EIF3E: variants seen among roughly 807,000 people sequenced by gnomAD.
The protein encoded by EIF3E is eIF-3 p48.
EIF3E carries 25 observed loss-of-function variants against 59.3 expected under a neutral mutation model. The observed-to-expected ratio is 0.42, with a 90% CI of 0.31 to 0.59. The LOEUF is 0.59. Among genes scored for constraint, EIF3E ranks in the 20% least tolerant of loss-of-function variants. The probability of loss-of-function intolerance (pLI) is 0.15; values close to 1 mark genes in which losing one functional copy is unlikely to be tolerated. For missense variants in EIF3E, 317 were observed against 534.3 expected, an observed-to-expected ratio of 0.59 and a Z score of 4.01; for synonymous variants, 176 against 170.2, an observed-to-expected ratio of 1.03 and a Z score of -0.26.
chr8:108,228,510 G>A (rs2129895702), intron 6 of EIF3E, 119 bp from the exon 7 acceptor site: 1 of 754,352 alleles, frequency 1.3e-6, no homozygotes. Flanking sequence ...GGCATGCACG[G>A]AGGTCATTAT....
intron 5 of EIF3E, among the ~76,000 whole-genome samples, chr8:108,230,485 T>A (rs1050201222): frequency 4.6e-5 from 7 of 152,116 alleles, no homozygotes; most frequent in Non-Finnish European, 4.4e-5. Context: ...AAATTTATAT[T>A]TATCTATATG....
chr8:108,202,487 C>T (rs1304754266), intron 12 of EIF3E, among the ~76,000 whole-genome samples: 1 of 152,026 alleles, frequency 6.6e-6, no homozygotes, highest in Non-Finnish European at 1.5e-5. Context: ...CAATCTCTAA[C>T]ATGCAGGATC....
rs771715727 is a variant in EIF3E at position 108,235,067 on chromosome 8, A to T, written c.402T>A (p.Tyr134Ter). ...RQEYLDTLYRYAKFQYECGNY... is the reference protein window; with the variant it reads ...RQEYLDTLYR Reference sequence around the variant, plus strand: ...TCCCACATTCGTACTGGAATTTTGCATATCTGTAGAGTGTATCTAAATATT... The same window carrying T: ...TCCCACATTCGTACTGGAATTTTGCTTATCTGTAGAGTGTATCTAAATATT... Residue 134 changes from tyrosine to a stop codon, truncating the protein, a stop_gained, in exon 5 of 13, where the codon TAT becomes TAA. Coordinates refer to ENST00000220849, the MANE Select transcript of EIF3E (RefSeq NM_001568.3). LOFTEE classifies it high-confidence loss of function. The T allele has an allele frequency of 6.3e-7, 1 of 1,595,428 alleles. No individual in the cohort carries two copies. The highest frequency in any genetic ancestry group is 2.3e-5 in the East Asian group (1 of 44,442).
At position 108,238,156 on chromosome 8, in the gene EIF3E, A is replaced by C. The variant is rs186547330; in HGVS notation, c.323+1802T>G. On this transcript the variant is annotated intron_variant, in intron 3 of 12. Transcript: ENST00000220849. ...TGGATTATTTCCGCTGTCCCTTTGTAATCACCTACATGTGACCTGAAGATC... is the reference window on the plus strand; with the variant it reads ...TGGATTATTTCCGCTGTCCCTTTGTCATCACCTACATGTGACCTGAAGATC... Among the ~76,000 whole-genome samples the C allele has an allele frequency of 7.1e-4, 108 of 152,332 alleles. 1 individual carries two copies. Among genetic ancestry groups the C allele is most frequent in the Middle Eastern group, 3.4e-3 (1 of 294 alleles).
At chr8:108,240,352 G>A (rs1223137012) in intron 2 of EIF3E, among the ~76,000 whole-genome samples, 3 of 151,550 alleles carry the variant, frequency 2.0e-5, no homozygotes, top group Admixed American at 1.3e-4. Context: ...AGAGGGATGT[G>A]AAAGAAAAAA....
At chr8:108,221,084 A>G (rs1377796934) in intron 7 of EIF3E, among the ~76,000 whole-genome samples, 2 of 152,318 alleles carry the variant, frequency 1.3e-5, no homozygotes, top group Admixed American at 6.5e-5. Flanking sequence ...AAAGAAAAAG[A>G]ACTGGGAATG....
intron 8 of EIF3E, 22 bp downstream of exon 8, chr8:108,217,312 T>C: frequency 6.8e-7 from 1 of 1,479,738 alleles, no homozygotes; most frequent in Non-Finnish European, 9.0e-7. Flanking sequence ...AAAAAAAAAA[T>C]CAATATATAT....
intron 1 of EIF3E, among the ~76,000 whole-genome samples, chr8:108,244,966 C>A (rs190941712): frequency 6.6e-6 from 1 of 151,864 alleles, no homozygotes; most frequent in South Asian, 2.1e-4. Context: ...AGCCTTCTAC[C>A]GCTCCTCGCC....
chr8:108,210,974 A>G (rs1443576582), intron 10 of EIF3E, among the ~76,000 whole-genome samples: 16 of 152,080 alleles, frequency 1.1e-4, no homozygotes, highest in Admixed American at 1.0e-3. Flanking sequence ...TATGTGTCAC[A>G]TTTTCTTAAT....
At chr8:108,226,141 G>GTATACACCA (rs1815512609) in intron 7 of EIF3E, 1 of 150,868 alleles carries the variant, frequency 6.6e-6, no homozygotes, top group East Asian at 1.9e-4. Context: ...AGGACTTACT[G>GTATACACCA]TATACACCAA....
chr8:108,232,161 T>C (rs1039554950), intron 5 of EIF3E, among the ~76,000 whole-genome samples: 2 of 152,176 alleles, frequency 1.3e-5, no homozygotes. Context: ...TACACAGATC[T>C]TGTGGTAGTG....
At chr8:108,248,528 G>A (rs939104155) in intron 1 of EIF3E, 85 bp downstream of exon 1, 4 of 1,372,568 alleles carry the variant, frequency 2.9e-6, no homozygotes, top group Non-Finnish European at 4.1e-6. Context: ...CACGTGTCAG[G>A]CCTAGGACTA....
In EIF3E at chr8:108,208,865, T is replaced by C. The variant is rs368726651; in HGVS notation, c.1062-5362A>G. 2.4e-4 allele frequency among the ~76,000 whole-genome samples: 37 copies of C among 152,238 alleles called. No homozygotes were observed. The East Asian group carries it at 6.6e-3, about 27-fold the overall frequency. On this transcript the variant is annotated intron_variant, in intron 10 of 12. Coordinates refer to ENST00000220849, the MANE Select transcript of EIF3E (RefSeq NM_001568.3). ...GCTTTTAAATTTCAGACACATACCA[T>C]AGCTGATAAAATGATTCAGCTATAC...
At chr8:108,240,400 T>G (rs1472725907) in intron 2 of EIF3E, among the ~76,000 whole-genome samples, 1 of 152,220 alleles carries the variant, frequency 6.6e-6, no homozygotes, top group East Asian at 1.9e-4. Flanking sequence ...AATTCTCCAT[T>G]GCAGAAACTT....
In EIF3E at chr8:108,216,364, C is replaced by T. The variant is rs1815305884; in HGVS notation, c.951+48G>A. ...ACTGCAAGATTAACGTTACAATATC[C>T]AAAAATTTAAGAATAGTATTAGTTT... On this transcript the variant is annotated intron_variant, in intron 9 of 12. Coordinates refer to ENST00000220849, the MANE Select transcript of EIF3E (RefSeq NM_001568.3). 2.8e-6 allele frequency: 4 copies of T among 1,417,844 alleles called. No individual in the cohort carries two copies. In the African/African-American group the frequency reaches 5.9e-5, roughly 21 times the overall value. The allele number at this position is 1,417,844 out of a possible 1,614,324, so 87.8% of individuals were successfully genotyped here. A position where few individuals can be genotyped will look rare whatever the true frequency, so the allele number is the denominator to read the frequency against.
chr8:108,224,341 T>A (rs1448872099), intron 7 of EIF3E, among the ~76,000 whole-genome samples: 1 of 151,602 alleles, frequency 6.6e-6, no homozygotes, highest in East Asian at 1.9e-4. Context: ...AACTACTTTT[T>A]TCATAAATCT....
chr8:108,234,960 CAAA>C (rs3075616), intron 5 of EIF3E, 35 bp downstream of exon 5: 243,834 of 860,908 alleles, frequency 0.28, 7,190 homozygotes, highest in Non-Finnish European at 0.29. Context: ...CTACAAAAGA[CAAA>C]AAAAAAAAAA....
At chr8:108,228,008 G>C (rs1815551070) in intron 7 of EIF3E, 2 of 289,108 alleles carry the variant, frequency 6.9e-6, no homozygotes, top group African/African-American at 4.4e-5. Context: ...TGAGTCCTGA[G>C]ATTCTATATG....
At chr8:108,239,467 G>A (rs1311476738) in intron 3 of EIF3E, among the ~76,000 whole-genome samples, 1 of 152,182 alleles carries the variant, frequency 6.6e-6, no homozygotes, top group Non-Finnish European at 1.5e-5. Context: ...CTCCCCAAGT[G>A]CTGAGATTAC....
Sources: allele counts gnomAD v4.1 joint callset (sites outside exome capture counted in the v4.1 genomes callset), GRCh38; gene constraint gnomAD v4.1.1; transcripts MANE v1.5; gene names NCBI Gene and HGNC (gene_info 2026-07-23, HGNC 2026-07-21).